ANO4: variants seen among roughly 807,000 people sequenced by gnomAD.
ANO4 encodes the protein anoctamin 4.
A neutral mutation model predicts 141.9 loss-of-function variants in ANO4; 69 were observed. The observed-to-expected ratio is 0.49, with a 90% confidence interval of 0.40 to 0.59. The LOEUF (loss-of-function observed/expected upper bound fraction) is 0.59. ANO4 is among the 20% of genes least tolerant of loss of function. The pLI is 0.00. For missense variants in ANO4, 894 were observed against 1,162.2 expected, an observed-to-expected ratio of 0.77 and a Z score of 3.36; for synonymous variants, 350 against 394.3, an observed-to-expected ratio of 0.89 and a Z score of 1.33.
chr12:100,887,798 A>C (rs986465457), intron 1 of ANO4, among the ~76,000 whole-genome samples: 2 of 152,224 alleles, frequency 1.3e-5, no homozygotes, highest in African/African-American at 4.8e-5. Context: ...CTATAAACTT[A>C]CAATTGCCTA....
intron 24 of ANO4, among the ~76,000 whole-genome samples, chr12:101,113,909 CA>C (rs1253156281): frequency 1.3e-5 from 2 of 152,200 alleles, no homozygotes; most frequent in African/African-American, 4.8e-5. Context: ...CTGTAGAAGA[CA>C]TTTTCTAGAT....
chr12:101,006,072 C>G (rs1414715099), intron 8 of ANO4, among the ~76,000 whole-genome samples: 2 of 152,024 alleles, frequency 1.3e-5, no homozygotes, highest in Non-Finnish European at 2.9e-5. Context: ...AATGCATATC[C>G]TTTTGTTAGA....
intron 1 of ANO4, among the ~76,000 whole-genome samples, chr12:100,829,487 C>T (rs976608807): frequency 2.0e-5 from 3 of 152,010 alleles, no homozygotes; most frequent in Non-Finnish European, 4.4e-5. Flanking sequence ...AGATCTCAGT[C>T]CTAGTGGAGG....
At chr12:100,820,027 T>C (rs1214497139) in intron 1 of ANO4, among the ~76,000 whole-genome samples, 1 of 151,990 alleles carries the variant, frequency 6.6e-6, no homozygotes, top group Non-Finnish European at 1.5e-5. Context: ...CCTTGACCTT[T>C]CTGCATATTA....
chr12:100,789,545 G>T (rs1357173033), intron 3 of ANO4, among the ~76,000 whole-genome samples: 1 of 152,130 alleles, frequency 6.6e-6, no homozygotes, highest in Non-Finnish European at 1.5e-5. Flanking sequence ...CACCTCATTT[G>T]TAGCTCAGAA....
chr12:100,997,210 T>C (rs1264998609), intron 8 of ANO4, among the ~76,000 whole-genome samples: 1 of 151,682 alleles, frequency 6.6e-6, no homozygotes, highest in Non-Finnish European at 1.5e-5. Context: ...TGCGCGTGCC[T>C]TTAATCCCAG....
intron 14 of ANO4, among the ~76,000 whole-genome samples, chr12:101,074,971 A>G (rs2048964525): frequency 1.3e-5 from 2 of 152,170 alleles, no homozygotes; most frequent in African/African-American, 2.4e-5. Flanking sequence ...CAAGAAGTCC[A>G]CAAACTAGTC....
intron 2 of ANO4, among the ~76,000 whole-genome samples, chr12:100,919,692 GTGTGTGTGTGTGTA>G (rs1411066594): frequency 6.3e-5 from 9 of 143,868 alleles, no homozygotes; most frequent in African/African-American, 2.3e-4. Context: ...GTGTGTGTGT[GTGTGTGTGTGTGTA>G]TGTATGTATG....
intron 1 of ANO4, among the ~76,000 whole-genome samples, chr12:100,838,726 G>C (rs1462922381): frequency 6.6e-6 from 1 of 152,162 alleles, no homozygotes; most frequent in Admixed American, 6.6e-5. Flanking sequence ...TTTAGCCATG[G>C]GAAAAATGGG....
At chr12:100,980,397 A>G (rs1001283931) in intron 7 of ANO4, among the ~76,000 whole-genome samples, 3 of 152,170 alleles carry the variant, frequency 2.0e-5, no homozygotes, top group African/African-American at 7.2e-5. Context: ...ACTGATTTAG[A>G]TGATGGAGAG....
chr12:101,080,114 T>C (rs1408355690), intron 15 of ANO4, among the ~76,000 whole-genome samples: 4 of 152,214 alleles, frequency 2.6e-5, no homozygotes, highest in African/African-American at 4.8e-5. Context: ...ATATGTGTAA[T>C]AGTTTTTTGA....
At chr12:100,953,022 T>C (rs2043035168) in intron 5 of ANO4, among the ~76,000 whole-genome samples, 1 of 152,206 alleles carries the variant, frequency 6.6e-6, no homozygotes, top group Non-Finnish European at 1.5e-5. Flanking sequence ...TCAAGTCATT[T>C]TATGAACTAT....
chr12:101,042,616 C>G (rs2047452859), intron 12 of ANO4, 148 bp downstream of exon 12: 3 of 1,087,788 alleles, frequency 2.8e-6, no homozygotes, highest in Admixed American at 5.0e-5. Context: ...TTTCAGTTCA[C>G]TAGGACCTCT....
chr12:100,990,188 T>A (rs1301305166), intron 8 of ANO4, among the ~76,000 whole-genome samples: 2 of 152,124 alleles, frequency 1.3e-5, no homozygotes, highest in Non-Finnish European at 2.9e-5. Context: ...AATGAATGAA[T>A]ATATGGATAG....
intron 3 of ANO4, among the ~76,000 whole-genome samples, chr12:100,761,642 G>T (rs879896599): frequency 1.3e-5 from 2 of 152,244 alleles, no homozygotes; most frequent in Admixed American, 1.3e-4. Flanking sequence ...CAGGAAAGTG[G>T]GTGTTCAACA....
chr12:100,899,500 G>A (rs2040492171), intron 1 of ANO4, among the ~76,000 whole-genome samples: 2 of 152,212 alleles, frequency 1.3e-5, no homozygotes, highest in Non-Finnish European at 2.9e-5. Flanking sequence ...CGGTGCAACT[G>A]GAATTCTTGA....
chr12:100,725,709 G>C (rs1290255853), intron 1 of ANO4, among the ~76,000 whole-genome samples: 3 of 152,144 alleles, frequency 2.0e-5, no homozygotes, highest in Non-Finnish European at 4.4e-5. Flanking sequence ...GAGCTTCATA[G>C]TTTATAAACA....
chr12:100,847,309 G>C (rs2037617474), intron 1 of ANO4, among the ~76,000 whole-genome samples: 1 of 151,958 alleles, frequency 6.6e-6, no homozygotes, highest in Non-Finnish European at 1.5e-5. Flanking sequence ...GGAACTGTGG[G>C]TGGTATTTCT....
intron 1 of ANO4, among the ~76,000 whole-genome samples, chr12:100,806,884 T>G (rs2035089554): frequency 6.6e-6 from 1 of 152,040 alleles, no homozygotes. Flanking sequence ...TCCTTATGAT[T>G]TTTTTTACCA....
Sources: gnomAD v4.1 joint callset for allele counts (sites outside exome capture counted in the v4.1 genomes callset) on GRCh38, gnomAD v4.1.1 for gene constraint, MANE v1.5 for transcripts, NCBI Gene and HGNC (gene_info 2026-07-23, HGNC 2026-07-21) for gene names.